RNF10: variants seen among roughly 807,000 people sequenced by gnomAD.
RNF10 encodes the protein ring finger protein 10, also known as E3 ubiquitin-protein ligase RNF10.
In RNF10, 38 loss-of-function variants were observed where a neutral mutation model predicts 91.4. The ratio of observed to expected loss-of-function variants is 0.42; its 90% CI spans 0.32 to 0.54. The LOEUF is 0.54. Ranked by LOEUF, RNF10 falls within the 20% of genes least tolerant of loss-of-function variation. The pLI is 0.16. For synonymous variants in RNF10, 364 were observed against 366.3 expected (o/e 0.99, Z 0.07); for missense variants, 945 against 1,012.0 (o/e 0.93, Z 0.90).
chr12:120,575,441 C>G (rs1877258636), intron 14 of RNF10, 190 bp from the exon 15 acceptor site: 1 of 626,562 alleles, frequency 1.6e-6, no homozygotes, highest in Non-Finnish European at 2.8e-6. Context: ...TTGTGGGTTT[C>G]ATTGCCATTT....
chr12:120,539,882 C>T (rs1396001543), intron 1 of RNF10, among the ~76,000 whole-genome samples: 1 of 151,836 alleles, frequency 6.6e-6, no homozygotes, highest in Non-Finnish European at 1.5e-5. Flanking sequence ...GTCACCCAGG[C>T]TGGAGTTCAG....
chr12:120,534,847 C>T lies in RNF10; in HGVS notation c.36C>T (p.Ala12=), dbSNP rs1870495016. 1 of 1,605,786 alleles carries T rather than the reference C, an allele frequency of 6.2e-7. No homozygotes were observed. The highest frequency in any genetic ancestry group is 1.3e-5 in the African/African-American group (1 of 74,880). The change falls in exon 1 of 17, where the codon GCC becomes GCT. Residue 12 remains alanine, a synonymous_variant. Transcript: ENST00000325954. ...GCTCCCCCAACGCCGCCGCCACCGC[C>T]TCCGACATGGACAAGAACAGCGGCT... ...PLSSPNAAAT[A]SDMDKNSGSN...
At chr12:120,536,464 C>A (rs1268904929) in intron 1 of RNF10, among the ~76,000 whole-genome samples, 2 of 151,514 alleles carry the variant, frequency 1.3e-5, no homozygotes, top group African/African-American at 4.9e-5. Flanking sequence ...TTAAAACAAA[C>A]AAAAAAAACA....
chr12:120,535,652 C>G (rs1870662171), intron 1 of RNF10: 1 of 152,204 alleles, frequency 6.6e-6, no homozygotes, highest in Non-Finnish European at 1.5e-5. Flanking sequence ...CTTAGGATAT[C>G]TGGCGTCTAT....
Position 120,566,857 on chromosome 12 carries a change from C to T in RNF10, c.1918C>T (p.Gln640Ter), listed in dbSNP as rs1248500465. Residue 640 changes from glutamine to a stop codon, truncating the protein, a stop_gained, in exon 13 of 17, where the codon CAG (glutamine) becomes TAG (stop). Transcript: ENST00000325954. LOFTEE classifies it high-confidence loss of function. ...PEVHIPLENL[Q>*]QFPAFNSYTC... ...AGTCCACATTCCCCTCGAGAATCTA[C>T]AGCAGTTTCCTGCCTTCAATTCTTA... The T allele has an allele frequency of 6.2e-7, 1 of 1,613,830 alleles. No individual in the cohort carries two copies. Among genetic ancestry groups the T allele is most frequent in the South Asian group, 1.1e-5 (1 of 91,054 alleles).
At chr12:120,545,574 T>C (rs1872207886) in intron 1 of RNF10, among the ~76,000 whole-genome samples, 1 of 150,368 alleles carries the variant, frequency 6.7e-6, no homozygotes. Context: ...AATCTTGCTC[T>C]TTGCCCAGGC....
chr12:120,557,069 A>AGAATGGCGTGAACCAG, intron 4 of RNF10, among the ~76,000 whole-genome samples: 1 of 143,672 alleles, frequency 7.0e-6, no homozygotes, highest in Middle Eastern at 3.7e-3. Flanking sequence ...GCGTGAACCA[A>AGAATGGCGTGAACCAG]GGAGATGGAC....
In RNF10 at chr12:120,546,480, A is replaced by G. The variant is rs1266129494; in HGVS notation, c.233A>G (p.Asn78Ser). ...TCCTACCCCAAAAATGAAAGTTTTAACAACCAGTCCCGTCGCTCCAGTTCA... is the reference window on the plus strand; with the variant it reads ...TCCTACCCCAAAAATGAAAGTTTTAGCAACCAGTCCCGTCGCTCCAGTTCA... ...ELSYPKNESF[N>S]NQSRRSSSQK... The change falls in exon 2 of 17, where the codon AAC (asparagine) becomes AGC (serine). Residue 78 changes from asparagine (N) to serine (S), a missense_variant. By Grantham distance (46) the Asn-to-Ser change is conservative. Transcript: ENST00000325954. The G allele has an allele frequency of 1.2e-6, 2 of 1,614,220 alleles. No individual in the cohort carries two copies. Among genetic ancestry groups the G allele is most frequent in the Non-Finnish European group, 1.7e-6 (2 of 1,180,018 alleles).
At chr12:120,558,714 G>A (rs902027909) in intron 6 of RNF10, among the ~76,000 whole-genome samples, 4 of 150,932 alleles carry the variant, frequency 2.7e-5, no homozygotes, top group East Asian at 2.0e-4. Flanking sequence ...GACTACAGGC[G>A]CCCGCCACCA....
At chr12:120,568,213 C>G (rs554816365) in intron 13 of RNF10, among the ~76,000 whole-genome samples, 2 of 151,742 alleles carry the variant, frequency 1.3e-5, no homozygotes, top group East Asian at 3.9e-4. Context: ...CCACTGCACT[C>G]TAGCCTGGGC....
At position 120,565,516 on chromosome 12, in the gene RNF10, G is replaced by T; in HGVS notation, c.1872G>T (p.Lys624Asn). The change falls in exon 12 of 17, where the codon AAG becomes AAT. Residue 624 changes from lysine to asparagine, a missense_variant. By Grantham distance (94) the Lys-to-Asn change is moderately conservative. Coordinates refer to ENST00000325954, the MANE Select transcript of RNF10 (RefSeq NM_014868.5). Reference sequence around the variant, plus strand: ...GCAGGATTGAGATAGAGGAGAACAAGAAACAGGGCAAGTGTAAGTTCAGGA... The same window carrying T: ...GCAGGATTGAGATAGAGGAGAACAATAAACAGGGCAAGTGTAAGTTCAGGA... ...RERRIEIEEN[K>N]KQGKYPEVHI... 6.2e-7 allele frequency: 1 copy of T among 1,613,996 alleles called. No homozygotes were observed. The highest frequency in any genetic ancestry group is 8.5e-7 in the Non-Finnish European group (1 of 1,179,974).
intron 6 of RNF10, among the ~76,000 whole-genome samples, chr12:120,559,368 T>C (rs1047572333): frequency 2.6e-5 from 4 of 151,218 alleles, no homozygotes; most frequent in East Asian, 2.0e-4. Context: ...TTTTTGTGTG[T>C]GTGTGTTGTG....
intron 11 of RNF10, 105 bp downstream of exon 11, chr12:120,565,294 A>T: frequency 8.9e-7 from 1 of 1,125,830 alleles, no homozygotes; most frequent in Non-Finnish European, 1.4e-6. Context: ...CATGAGTCTT[A>T]GTACCTCCTA....
Position 120,534,906 on chromosome 12 carries a change from A to G in RNF10, c.95A>G (p.Lys32Arg). Residue 32 changes from lysine to arginine, a missense_variant, in exon 1 of 17, where the codon AAA (lysine) becomes AGA (arginine). Transcript: ENST00000325954. ...TCCTCCGCCTCTTCGGGCAGCAGCA[A>G]AGGGCAACAGCCGCCCCGCTCCGCC... is the stretch of plus-strand genomic sequence containing the variant. ...NSSSASSGSSKGQQPPRSASA... is the reference protein window; with the variant it reads ...NSSSASSGSSRGQQPPRSASA... 1 of 1,607,558 alleles carries G rather than the reference A, an allele frequency of 6.2e-7. No homozygotes were observed. Among genetic ancestry groups the G allele is most frequent in the Non-Finnish European group, 8.5e-7 (1 of 1,179,514 alleles).
At chr12:120,538,462 G>A (rs1871138868) in intron 1 of RNF10, among the ~76,000 whole-genome samples, 1 of 152,190 alleles carries the variant, frequency 6.6e-6, no homozygotes, top group Non-Finnish European at 1.5e-5. Flanking sequence ...GCATACCACA[G>A]TTTCTTTGCC....
chr12:120,570,755 A>G (rs1876502541), intron 13 of RNF10, among the ~76,000 whole-genome samples: 1 of 151,944 alleles, frequency 6.6e-6, no homozygotes, highest in African/African-American at 2.4e-5. Flanking sequence ...CTAATTGGAT[A>G]CTCCCAGGTC....
At chr12:120,535,310 A>C in intron 1 of RNF10, 1 of 199,632 alleles carries the variant, frequency 5.0e-6, no homozygotes, top group Non-Finnish European at 1.0e-5. Flanking sequence ...CGCTCCTAAA[A>C]CCACTAAGTT....
chr12:120,577,023 C>T lies in RNF10; in HGVS notation c.*357C>T. 2.7e-6 allele frequency: 1 copy of T among 373,192 alleles called. No homozygotes were observed. The highest frequency in any genetic ancestry group is 5.2e-6 in the Non-Finnish European group (1 of 194,064). The allele number at this position is 373,192 out of a possible 1,614,324, so 23.1% of individuals were successfully genotyped here. A position where few individuals can be genotyped will look rare whatever the true frequency, so the allele number is the denominator to read the frequency against. ...GAGCAGTCCAACCCAGAATGGCACA[C>T]ACTGCTCTGCTGTAGCATCATGTCA... On this transcript the variant is annotated 3_prime_UTR_variant, in exon 17 of 17. Coordinates refer to ENST00000325954, the MANE Select transcript of RNF10 (RefSeq NM_014868.5).
intron 6 of RNF10, among the ~76,000 whole-genome samples, chr12:120,559,818 C>T (rs988357341): frequency 3.3e-5 from 5 of 151,786 alleles, no homozygotes; most frequent in Admixed American, 2.6e-4. Flanking sequence ...ACTCCAGCCT[C>T]CCTAGTAGCT....
Sources: allele counts gnomAD v4.1 joint callset (sites outside exome capture counted in the v4.1 genomes callset), GRCh38; gene constraint gnomAD v4.1.1; transcripts MANE v1.5; gene names NCBI Gene and HGNC (gene_info 2026-07-23, HGNC 2026-07-21).